Variants in TENM2 observed in about 807,000 individuals in gnomAD.
TENM2 encodes the protein teneurin transmembrane protein 2.
In TENM2, 52 loss-of-function variants were observed where a neutral mutation model predicts 245.2. That is an observed-to-expected ratio of 0.21 (90% CI 0.17 to 0.27). The LOEUF is 0.27. Among genes scored for constraint, TENM2 ranks in the 10% least tolerant of loss-of-function variants. TENM2 has a pLI of 1.00. For synonymous variants in TENM2, 1,363 were observed against 1,438.9 expected (o/e 0.95, Z 1.19); for missense variants, 3,046 against 3,666.8 (o/e 0.83, Z 4.37).
At chr5:167,529,471 C>G (rs1274816837) in intron 2 of TENM2, among the ~76,000 whole-genome samples, 1 of 152,206 alleles carries the variant, frequency 6.6e-6, no homozygotes, top group African/African-American at 2.4e-5. Flanking sequence ...TTAGTCTTTC[C>G]TGTATTGCAA....
intron 2 of TENM2, among the ~76,000 whole-genome samples, chr5:167,840,991 A>G (rs952459379): frequency 1.3e-5 from 2 of 152,106 alleles, no homozygotes; most frequent in African/African-American, 4.8e-5. Context: ...CGGAGCAACC[A>G]CATGCCATCT....
At chr5:167,171,155 T>A in the TENM2 span, among the ~76,000 whole-genome samples, 1 of 152,072 alleles carries the variant, frequency 6.6e-6, no homozygotes, top group African/African-American at 2.4e-5. Flanking sequence ...CTAGCCTCTT[T>A]CCCTGCCTTG....
At chr5:167,181,524 G>C in the TENM2 span, among the ~76,000 whole-genome samples, 1 of 135,490 alleles carries the variant, frequency 7.4e-6, no homozygotes, top group African/African-American at 2.8e-5. Flanking sequence ...TCTTGTTCAC[G>C]TATCCCACCT....
At chr5:167,765,565 G>A (rs1762959716) in intron 2 of TENM2, among the ~76,000 whole-genome samples, 1 of 152,236 alleles carries the variant, frequency 6.6e-6, no homozygotes, top group Non-Finnish European at 1.5e-5. Flanking sequence ...GGCAGGATTA[G>A]CACGAGCTGG....
the TENM2 span, among the ~76,000 whole-genome samples, chr5:167,141,059 T>C: frequency 3.9e-5 from 6 of 152,298 alleles, no homozygotes; most frequent in African/African-American, 1.4e-4. Context: ...TTCTATGGAG[T>C]GCAGTTTGCG....
At chr5:167,092,572 G>C in the TENM2 span, among the ~76,000 whole-genome samples, 1 of 152,144 alleles carries the variant, frequency 6.6e-6, no homozygotes, top group Non-Finnish European at 1.5e-5. Flanking sequence ...GTTTTATGTG[G>C]ATCATCTCCC....
chr5:167,646,100 A>G (rs953622189), intron 2 of TENM2, among the ~76,000 whole-genome samples: 2 of 149,494 alleles, frequency 1.3e-5, no homozygotes, highest in African/African-American at 2.4e-5. Context: ...ACATATATAT[A>G]TACACACACA....
intron 7 of TENM2, 136 bp from the exon 10 acceptor site, chr5:168,090,438 C>G: frequency 3.3e-6 from 2 of 613,560 alleles, no homozygotes. Context: ...CTCTTGTTTT[C>G]CTGGATAAGT....
Position 167,612,107 on chromosome 5 carries a change from C to T in TENM2, c.502+236634C>T, listed in dbSNP as rs905829458. On this transcript the variant is annotated intron_variant, in intron 2 of 28. Transcript: ENST00000518659. Reference sequence around the variant, plus strand: ...AGTCATGTGCAAGGTAAGAATTTAGCGAGTTACTATTTGAGCCAGGATTCG... The same window carrying T: ...AGTCATGTGCAAGGTAAGAATTTAGTGAGTTACTATTTGAGCCAGGATTCG... Among the ~76,000 whole-genome samples, 4 of 152,128 alleles carry T rather than the reference C, an allele frequency of 2.6e-5. No individual in the cohort carries two copies. The East Asian group carries it at 5.8e-4, about 22-fold the overall frequency.
intron 2 of TENM2, among the ~76,000 whole-genome samples, chr5:167,403,504 A>G (rs986281284): frequency 6.6e-6 from 1 of 152,110 alleles, no homozygotes; most frequent in Admixed American, 6.6e-5. Context: ...AGTTTTGTCA[A>G]TGCTTCGCAG....
the TENM2 span, among the ~76,000 whole-genome samples, chr5:167,246,479 TTATG>T: frequency 0.029 from 4,414 of 152,136 alleles, 216 homozygotes; most frequent in African/African-American, 0.1. Flanking sequence ...TATGTATATG[TTATG>T]TATGTATTTA....
intron 3 of TENM2, among the ~76,000 whole-genome samples, chr5:167,919,831 G>A (rs1719474008): frequency 6.6e-6 from 1 of 152,236 alleles, no homozygotes; most frequent in Admixed American, 6.5e-5. Flanking sequence ...CTTAGAGGAA[G>A]ACGGGATCAC....
intron 13 of TENM2, among the ~76,000 whole-genome samples, chr5:168,182,629 C>A (rs11134490): frequency 0.6 from 91,555 of 151,910 alleles, 30,786 homozygotes; most frequent in Admixed American, 0.75. Context: ...CCACCCTGGG[C>A]AAATGGGGCA....
intron 13 of TENM2, among the ~76,000 whole-genome samples, chr5:168,184,359 C>T (rs908929708): frequency 2.0e-5 from 3 of 152,190 alleles, no homozygotes; most frequent in Non-Finnish European, 4.4e-5. Context: ...GAGCCATCCA[C>T]AGCACCTGCA....
chr5:167,939,270 C>T (rs1455264583), intron 3 of TENM2, among the ~76,000 whole-genome samples: 1 of 152,146 alleles, frequency 6.6e-6, no homozygotes, highest in Non-Finnish European at 1.5e-5. Flanking sequence ...TCATAAGGAG[C>T]GTGCAACCTA....
chr5:167,531,483 CT>C (rs998346067), intron 2 of TENM2, among the ~76,000 whole-genome samples: 1,468 of 145,614 alleles, frequency 0.01, 32 homozygotes, highest in African/African-American at 0.033. Context: ...TCACACTTAT[CT>C]TTTTTTTTTT....
intron 2 of TENM2, among the ~76,000 whole-genome samples, chr5:167,504,045 T>C (rs2127560375): frequency 6.6e-6 from 1 of 152,324 alleles, no homozygotes; most frequent in Admixed American, 6.5e-5. Context: ...TCATTTTACA[T>C]TTTTTTAAGC....
intron 2 of TENM2, among the ~76,000 whole-genome samples, chr5:167,767,948 T>C (rs940055219): frequency 6.6e-6 from 1 of 152,208 alleles, no homozygotes; most frequent in African/African-American, 2.4e-5. Flanking sequence ...GCTATTGCTG[T>C]TGACATGTGA....
intron 1 of TENM2, among the ~76,000 whole-genome samples, chr5:167,343,707 A>T (rs1332214113): frequency 6.6e-6 from 1 of 152,214 alleles, no homozygotes; most frequent in Admixed American, 6.5e-5. Flanking sequence ...AAATGAATTA[A>T]CACAAGAAGT....
Sources: gnomAD v4.1 joint callset for allele counts (sites outside exome capture counted in the v4.1 genomes callset) on GRCh38, gnomAD v4.1.1 for gene constraint, MANE v1.5 for transcripts, NCBI Gene and HGNC (gene_info 2026-07-23, HGNC 2026-07-21) for gene names.